AGBL4: variants seen among roughly 807,000 people sequenced by gnomAD.
The protein encoded by AGBL4 is cytosolic carboxypeptidase 6.
AGBL4 carries 58 observed loss-of-function variants against 66.4 expected under a neutral mutation model. The observed-to-expected ratio is 0.87, with a 90% confidence interval of 0.71 to 1.09. AGBL4 has a LOEUF of 1.09. AGBL4 is among the 50% of genes least tolerant of loss of function. AGBL4 has a pLI of 0.00. For synonymous variants in AGBL4, 234 were observed against 222.9 expected (o/e 1.05, Z -0.44); for missense variants, 579 against 631.0 (o/e 0.92, Z 0.88).
intron 4 of AGBL4, among the ~76,000 whole-genome samples, chr1:49,062,389 G>T (rs1182302200): frequency 6.6e-6 from 1 of 152,116 alleles, no homozygotes; most frequent in Admixed American, 6.5e-5. Flanking sequence ...ACTTCATTAT[G>T]ACTTACTATT....
intron 5 of AGBL4, among the ~76,000 whole-genome samples, chr1:48,889,698 G>C (rs186902913): frequency 5.3e-5 from 8 of 152,236 alleles, no homozygotes; most frequent in Admixed American, 4.6e-4. Flanking sequence ...AGGCCTCCAA[G>C]GTTAACAGCT....
At chr1:49,100,730 CA>C (rs941195283) in intron 4 of AGBL4, among the ~76,000 whole-genome samples, 9 of 152,182 alleles carry the variant, frequency 5.9e-5, no homozygotes, top group African/African-American at 2.2e-4. Context: ...ATAGCAGAAA[CA>C]GTTTTAAAAC....
In AGBL4 at chr1:48,651,779, C is replaced by A. The variant is rs1645934394; in HGVS notation, c.839+1558G>T. 1.3e-5 allele frequency among the ~76,000 whole-genome samples: 2 copies of A among 152,196 alleles called. 1 individual carries two copies. The highest frequency in any genetic ancestry group is 4.8e-5 in the African/African-American group (2 of 41,452). On this transcript the variant is annotated intron_variant, in intron 8 of 13. Coordinates refer to ENST00000371839, the MANE Select transcript of AGBL4 (RefSeq NM_032785.4). ...GTAAACCAACTCTGTGTAAAACAAG[C>A]CTGGCTGGCTGTCAGGAGATCTGGT...
At chr1:48,838,186 G>A (rs762516602) in intron 6 of AGBL4, among the ~76,000 whole-genome samples, 9 of 151,880 alleles carry the variant, frequency 5.9e-5, no homozygotes, top group Non-Finnish European at 1.0e-4. Flanking sequence ...ATAGAAAAAA[G>A]CAATCCTAAA....
At chr1:49,388,168 TTTAAATTCTAATAAGAACACATATTTG>T (rs1644772683) in intron 3 of AGBL4, among the ~76,000 whole-genome samples, 1 of 152,268 alleles carries the variant, frequency 6.6e-6, no homozygotes, top group Admixed American at 6.5e-5. Context: ...AATAATCATT[TTTAAATTCTAATAAGAACACATATTTG>T]TATAGTGCAG....
intron 3 of AGBL4, among the ~76,000 whole-genome samples, chr1:49,420,491 G>A (rs1645520371): frequency 6.6e-6 from 1 of 152,076 alleles, no homozygotes; most frequent in Non-Finnish European, 1.5e-5. Context: ...ACGAGGTCAG[G>A]AGATTGAGAC....
At chr1:49,141,918 G>C (rs796360925) in intron 4 of AGBL4, among the ~76,000 whole-genome samples, 14 of 152,084 alleles carry the variant, frequency 9.2e-5, no homozygotes, top group African/African-American at 3.4e-4. Context: ...CTTAAAAAAG[G>C]GTTCCCCAAC....
chr1:48,554,770 G>C (rs1644297261), intron 11 of AGBL4, among the ~76,000 whole-genome samples: 4 of 152,138 alleles, frequency 2.6e-5, no homozygotes, highest in South Asian at 2.1e-4. Context: ...TTATAGGTTA[G>C]AAAACTGAGG....
chr1:48,884,616 A>G (rs1386537381), intron 5 of AGBL4, among the ~76,000 whole-genome samples: 4 of 152,210 alleles, frequency 2.6e-5, no homozygotes, highest in Admixed American at 2.6e-4. Context: ...CATGTTCACA[A>G]ATACATTTAC....
chr1:48,799,085 G>A (rs924285020), intron 6 of AGBL4, among the ~76,000 whole-genome samples: 2 of 152,110 alleles, frequency 1.3e-5, no homozygotes, highest in African/African-American at 2.4e-5. Flanking sequence ...GAATTGCATT[G>A]AATTTATAGA....
chr1:48,585,626 A>G (rs989704242), intron 11 of AGBL4: 1 of 152,166 alleles, frequency 6.6e-6, no homozygotes, highest in African/African-American at 2.4e-5. Context: ...CTGCAAGATG[A>G]CCCTCAGTCT....
At chr1:49,822,620 C>T (rs954131212) in intron 2 of AGBL4, among the ~76,000 whole-genome samples, 18 of 152,122 alleles carry the variant, frequency 1.2e-4, no homozygotes, top group African/African-American at 4.3e-4. Flanking sequence ...CTCCAGAAAG[C>T]CTTTCTGTCC....
At chr1:48,624,125 T>C (rs935423096) in intron 9 of AGBL4, among the ~76,000 whole-genome samples, 5 of 152,192 alleles carry the variant, frequency 3.3e-5, no homozygotes, top group African/African-American at 1.2e-4. Context: ...GTGGGTGGAT[T>C]CCAATGCTCC....
chr1:49,091,361 A>C (rs1334378981), intron 4 of AGBL4, among the ~76,000 whole-genome samples: 4 of 152,184 alleles, frequency 2.6e-5, no homozygotes, highest in African/African-American at 9.7e-5. Flanking sequence ...AGAGTCTATA[A>C]GGAGCTTAAA....
chr1:49,730,301 A>C (rs1201652077), intron 2 of AGBL4, among the ~76,000 whole-genome samples: 3 of 152,144 alleles, frequency 2.0e-5, no homozygotes, highest in Admixed American at 6.5e-5. Context: ...GGAGCTAAAA[A>C]GGGCAGTAAC....
At chr1:49,380,620 C>G (rs1302109552) in intron 3 of AGBL4, among the ~76,000 whole-genome samples, 1 of 152,140 alleles carries the variant, frequency 6.6e-6, no homozygotes, top group Non-Finnish European at 1.5e-5. Flanking sequence ...GTAACCAAAA[C>G]AGCATGGTAC....
rs1643929308 is a variant in AGBL4, at chr1:48,533,934, G to T, written c.*239C>A. The T allele has an allele frequency of 7.2e-6, 4 of 557,536 alleles. No homozygotes were observed. The highest frequency in any genetic ancestry group is 1.9e-5 in the African/African-American group (1 of 52,890). 34.5% of individuals were successfully genotyped at this position (557,536 alleles called of 1,614,324 possible). The stretch of plus-strand genomic sequence containing the variant: ...CTATGTTGTAGAAAATAGCATCTGT[G>T]CTCACCTGGTTCCGATCTCCTATTT... On this transcript the variant is annotated 3_prime_UTR_variant, in exon 14 of 14. Transcript: ENST00000371839.
chr1:49,237,837 A>G (rs563970251), intron 4 of AGBL4, among the ~76,000 whole-genome samples: 111 of 152,096 alleles, frequency 7.3e-4, no homozygotes, highest in Middle Eastern at 6.8e-3. Flanking sequence ...GAGTCCTTTT[A>G]AAATTTTCTT....
intron 3 of AGBL4, among the ~76,000 whole-genome samples, chr1:49,440,023 G>A (rs189283780): frequency 1.3e-5 from 2 of 150,244 alleles, no homozygotes; most frequent in East Asian, 3.9e-4. Context: ...GGTTTCTGGA[G>A]TTGGCTGCTT....
Sources: gnomAD v4.1 joint callset for allele counts (sites outside exome capture counted in the v4.1 genomes callset) on GRCh38, gnomAD v4.1.1 for gene constraint, MANE v1.5 for transcripts, NCBI Gene and HGNC (gene_info 2026-07-23, HGNC 2026-07-21) for gene names.